The following PTK7 variants were observed in gnomAD, a reference collection of about 807,000 sequenced individuals.
PTK7 encodes protein tyrosine kinase 7 (inactive), also known as inactive tyrosine-protein kinase 7.
In PTK7, 39 loss-of-function variants were observed where a neutral mutation model predicts 116.6. The ratio of observed to expected loss-of-function variants is 0.33; its 90% CI spans 0.26 to 0.44. The LOEUF is 0.44. PTK7 is among the 20% of genes least tolerant of loss of function. PTK7 has a pLI of 1.00. For synonymous variants in PTK7, 546 were observed against 563.6 expected, an observed-to-expected ratio of 0.97 and a Z score of 0.44; for missense variants, 1,169 against 1,425.6, an observed-to-expected ratio of 0.82 and a Z score of 2.90.
chr6:43,116,607 TGTG>T (rs1768540476), intron 1 of PTK7, among the ~76,000 whole-genome samples: 2 of 36,326 alleles, frequency 5.5e-5, no homozygotes, highest in African/African-American at 3.9e-4. Context: ...AGCTGGTTTG[TGTG>T]TGTGTGTGTG....
In PTK7 at chr6:43,145,111, C is replaced by A; in HGVS notation, c.2408-89C>A. 1 of 1,247,042 alleles carries A rather than the reference C, an allele frequency of 8.0e-7. No homozygotes were observed. The highest frequency in any genetic ancestry group is 1.1e-6 in the Non-Finnish European group (1 of 898,712). 77.2% of individuals were successfully genotyped at this position (1,247,042 alleles called of 1,614,324 possible). ...TGCCCAGCCCAGGTGGGTGGGTCCC[C>A]ACTGTGGGAGAGGCTAGGCCCCTCC... On this transcript the variant is annotated intron_variant, in intron 15 of 19. Coordinates refer to ENST00000230419, the MANE Select transcript of PTK7 (RefSeq NM_002821.5). The surrounding 1 kb of genome is among the most constrained non-coding windows in gnomAD (Gnocchi z 4.8).
intron 1 of PTK7, among the ~76,000 whole-genome samples, chr6:43,116,651 T>TGTGCGCGCGCGC (rs1323606377): frequency 1.8e-4 from 14 of 77,214 alleles, no homozygotes; most frequent in African/African-American, 9.1e-4. Context: ...TGTGTGTGTG[T>TGTGCGCGCGCGC]GCGCGCGCAC....
At chr6:43,131,174 AGT>A (rs993841963) in intron 5 of PTK7, among the ~76,000 whole-genome samples, 3 of 152,142 alleles carry the variant, frequency 2.0e-5, no homozygotes, top group African/African-American at 7.2e-5. Flanking sequence ...ACACCTTTGC[AGT>A]GTCAGGCACG....
intron 1 of PTK7, among the ~76,000 whole-genome samples, chr6:43,090,790 G>T (rs1160724300): frequency 6.6e-6 from 1 of 152,164 alleles, no homozygotes; most frequent in Non-Finnish European, 1.5e-5. Context: ...GACCTGAAAG[G>T]CTCGTTAAAT....
intron 1 of PTK7, among the ~76,000 whole-genome samples, chr6:43,106,641 C>G (rs950863183): frequency 4.2e-5 from 6 of 144,422 alleles, no homozygotes; most frequent in Non-Finnish European, 6.0e-5. Flanking sequence ...TTCCAAGATT[C>G]CTCCCTGCCT....
rs776372012 is a variant in PTK7 at position 43,132,416 on chromosome 6, T to C, written c.962-5T>C. The C allele has an allele frequency of 6.4e-7, 1 of 1,564,928 alleles. No individual in the cohort carries two copies. Among genetic ancestry groups the C allele is most frequent in the South Asian group, 1.2e-5 (1 of 83,818 alleles). ...GGGCCATTCCTCCTACTTATGTCCT[T>C]GCAGAGATTGAAGACATGCCGCTAT... On this transcript the variant is annotated splice_polypyrimidine_tract_variant and splice_region_variant and intron_variant, in intron 6 of 19. Transcript: ENST00000230419.
chr6:43,136,909 T>G (rs1172905812), intron 7 of PTK7, among the ~76,000 whole-genome samples: 3 of 151,740 alleles, frequency 2.0e-5, no homozygotes, highest in Admixed American at 1.3e-4. Flanking sequence ...GAGGCTGAGG[T>G]GAGAGGGTTG....
chr6:43,147,196 T>C (rs1770776233), intron 17 of PTK7, among the ~76,000 whole-genome samples: 1 of 152,250 alleles, frequency 6.6e-6, no homozygotes, highest in African/African-American at 2.4e-5. Context: ...GTCCTCTCCC[T>C]TGGGCTGTAG....
chr6:43,134,335 G>A (rs570442387), intron 7 of PTK7, among the ~76,000 whole-genome samples: 38 of 151,982 alleles, frequency 2.5e-4, no homozygotes, highest in African/African-American at 8.9e-4. Flanking sequence ...TGCCATGCCC[G>A]GCCTCATTAG....
chr6:43,076,777 C>A lies in PTK7; in HGVS notation c.79+210C>A. The A allele has an allele frequency of 7.1e-7, 1 of 1,407,438 alleles. No homozygotes were observed. Among genetic ancestry groups the A allele is most frequent in the Non-Finnish European group, 9.3e-7 (1 of 1,080,656 alleles). The allele number at this position is 1,407,438 out of a possible 1,614,324, so 87.2% of individuals were successfully genotyped here. ...CCTCCAGGGACGCGGTCAGGGTACC[C>A]CTCCCACTCGCGCCGCGGGGACGCA... On this transcript the variant is annotated intron_variant, in intron 1 of 19. Coordinates refer to ENST00000230419, the MANE Select transcript of PTK7 (RefSeq NM_002821.5). This position sits in a 1 kb window ranked among gnomAD's most constrained non-coding sequence, Gnocchi z 5.7.
intron 18 of PTK7, 178 bp from the exon 19 acceptor site, chr6:43,159,610 C>T: frequency 3.2e-6 from 2 of 622,578 alleles, no homozygotes; most frequent in Non-Finnish European, 2.8e-6. Context: ...GTGTGGTTAC[C>T]TCCAGATTTT....
In PTK7 at chr6:43,130,386, T is replaced by C. The variant is rs775933634; in HGVS notation, c.627T>C (p.Ala209=). ...SCCAHSAFGQ[A]CSSQNFTLSI... The stretch of plus-strand genomic sequence containing the variant: ...GCGCCCACAGTGCTTTTGGCCAGGC[T>C]TGCAGCAGCCAGAACTTCACCTTGA... The change falls in exon 4 of 20, where the codon GCT becomes GCC. Residue 209 remains alanine, a synonymous_variant. Transcript: ENST00000230419. 1 of 1,609,524 alleles carries C rather than the reference T, an allele frequency of 6.2e-7. No homozygotes were observed. The highest frequency in any genetic ancestry group is 2.2e-5 in the East Asian group (1 of 44,748).
At chr6:43,157,341 TATATATATATA>T (rs1771505005) in intron 17 of PTK7, among the ~76,000 whole-genome samples, 1 of 12,018 alleles carries the variant, frequency 8.3e-5, no homozygotes, top group African/African-American at 3.7e-4. Context: ...TATATATATA[TATATATATATA>T]TATATATATA....
chr6:43,077,094 T>G, intron 1 of PTK7: 1 of 1,217,294 alleles, frequency 8.2e-7, no homozygotes, highest in Non-Finnish European at 1.1e-6. Flanking sequence ...CTCCTCCGAG[T>G]TCCTGGGCAA....
At chr6:43,122,404 A>G (rs1017536920) in intron 1 of PTK7, among the ~76,000 whole-genome samples, 4 of 150,596 alleles carry the variant, frequency 2.7e-5, no homozygotes, top group African/African-American at 7.5e-5. Flanking sequence ...CCCCTGGAAC[A>G]TTTATGCTTC....
intron 18 of PTK7, 125 bp from the exon 19 acceptor site, chr6:43,159,663 T>G (rs544835122): frequency 1.0e-6 from 1 of 964,498 alleles, no homozygotes; most frequent in African/African-American, 1.6e-5. Context: ...GACCAATTTC[T>G]TGATGTCTGT....
chr6:43,131,632 C>G, intron 5 of PTK7: 1 of 303,918 alleles, frequency 3.3e-6, no homozygotes. Context: ...GAGAACAGCA[C>G]GGGAAAGACT....
At chr6:43,120,621 T>A (rs1334183598) in intron 1 of PTK7, among the ~76,000 whole-genome samples, 6 of 152,186 alleles carry the variant, frequency 3.9e-5, no homozygotes, top group Admixed American at 2.0e-4. Flanking sequence ...GGATTGGCTG[T>A]GCGGATGGTG....
At chr6:43,157,364 A>ATATATT (rs70990168) in intron 17 of PTK7, among the ~76,000 whole-genome samples, 3 of 54,366 alleles carry the variant, frequency 5.5e-5, no homozygotes, top group Non-Finnish European at 9.8e-5. Flanking sequence ...ATATATATAT[A>ATATATT]TTTTTTTTTT....
Sources: gnomAD v4.1 joint callset for allele counts (sites outside exome capture counted in the v4.1 genomes callset) on GRCh38, gnomAD v4.1.1 for gene constraint, Gnocchi (gnomAD v3.1) non-coding constraint, MANE v1.5 for transcripts, NCBI Gene and HGNC (gene_info 2026-07-23, HGNC 2026-07-21) for gene names.